Variants in PTK2B observed in about 807,000 individuals in gnomAD.
The protein encoded by PTK2B is protein tyrosine kinase 2 beta.
PTK2B carries 71 observed loss-of-function variants against 142.9 expected under a neutral mutation model. That is an observed-to-expected ratio of 0.50 (90% CI 0.41 to 0.61). PTK2B has a LOEUF of 0.61. Ranked by LOEUF, PTK2B falls within the 20% of genes least tolerant of loss-of-function variation. The pLI is 0.00. For synonymous variants in PTK2B, 519 were observed against 503.4 expected (o/e 1.03, Z -0.42); for missense variants, 1,105 against 1,320.4 (o/e 0.84, Z 2.53).
intron 2 of PTK2B, among the ~76,000 whole-genome samples, chr8:27,419,193 A>G (rs1809590282): frequency 6.6e-6 from 1 of 152,242 alleles, no homozygotes; most frequent in Non-Finnish European, 1.5e-5. Flanking sequence ...CCTCCGGTTA[A>G]CAAGAAAGCA....
chr8:27,336,604 G>A (rs754792405), intron 1 of PTK2B, among the ~76,000 whole-genome samples: 2 of 152,148 alleles, frequency 1.3e-5, no homozygotes, highest in Non-Finnish European at 2.9e-5. Context: ...TTATTTTAGC[G>A]ATACATTTTC....
chr8:27,394,759 A>G (rs1238843267), intron 1 of PTK2B, among the ~76,000 whole-genome samples: 1 of 152,268 alleles, frequency 6.6e-6, no homozygotes, highest in Non-Finnish European at 1.5e-5. Flanking sequence ...TGTGCATTGT[A>G]CAACTGTACA....
At chr8:27,350,393 A>G (rs116719200) in intron 1 of PTK2B, among the ~76,000 whole-genome samples, 196 of 152,176 alleles carry the variant, frequency 1.3e-3, no homozygotes, top group African/African-American at 4.6e-3. Context: ...CCAGGCAATT[A>G]TAGGGTCTCC....
chr8:27,399,904 C>T (rs1329794320), intron 2 of PTK2B, among the ~76,000 whole-genome samples: 5 of 152,110 alleles, frequency 3.3e-5, no homozygotes, highest in African/African-American at 1.2e-4. Context: ...TCTCTTCACC[C>T]GGGGATCATG....
At chr8:27,346,206 A>G (rs1390338510) in intron 1 of PTK2B, among the ~76,000 whole-genome samples, 1 of 152,218 alleles carries the variant, frequency 6.6e-6, no homozygotes, top group African/African-American at 2.4e-5. Context: ...AAAAGAGGTT[A>G]TGTGGATTCA....
upstream of PTK2B, among the ~76,000 whole-genome samples, chr8:27,323,633 G>GT (rs546837495): frequency 9.9e-5 from 15 of 152,250 alleles, no homozygotes; most frequent in African/African-American, 2.6e-4. Flanking sequence ...TTTCTGATGG[G>GT]TTTTTTTAAA....
upstream of PTK2B, chr8:27,310,774 C>G (rs1802918068): frequency 6.5e-7 from 1 of 1,544,824 alleles, no homozygotes. Flanking sequence ...CCCGGCTCGG[C>G]CGCCTCGTGC....
chr8:27,451,413 G>A (rs1811803875), intron 26 of PTK2B, 72 bp from the exon 27 acceptor site: 3 of 1,601,940 alleles, frequency 1.9e-6, no homozygotes. Flanking sequence ...ACTGGGGAAT[G>A]GGTAACCAGG....
At chr8:27,375,293 G>A (rs1162162789) in intron 1 of PTK2B, among the ~76,000 whole-genome samples, 1 of 152,192 alleles carries the variant, frequency 6.6e-6, no homozygotes, top group East Asian at 1.9e-4. Context: ...GACATGTAGG[G>A]AACTCAGAGC....
chr8:27,413,166 A>G (rs896884097), intron 2 of PTK2B, among the ~76,000 whole-genome samples: 6 of 152,166 alleles, frequency 3.9e-5, no homozygotes, highest in Non-Finnish European at 8.8e-5. Context: ...ATACACATAC[A>G]CAAATATGCC....
At chr8:27,369,359 A>G (rs1171865966) in intron 1 of PTK2B, among the ~76,000 whole-genome samples, 1 of 152,156 alleles carries the variant, frequency 6.6e-6, no homozygotes, top group Non-Finnish European at 1.5e-5. Flanking sequence ...ATGCCAAGTG[A>G]CACAGGAGTT....
intron 1 of PTK2B, among the ~76,000 whole-genome samples, chr8:27,346,088 G>A (rs1804694879): frequency 6.6e-6 from 1 of 152,204 alleles, no homozygotes; most frequent in African/African-American, 2.4e-5. Flanking sequence ...AAGTTAAGGA[G>A]AAGCTGATTC....
intron 2 of PTK2B, among the ~76,000 whole-genome samples, chr8:27,410,402 T>C (rs1006698028): frequency 1.3e-5 from 2 of 152,180 alleles, no homozygotes; most frequent in African/African-American, 4.8e-5. Flanking sequence ...ACATAGGTAT[T>C]ATGTGTGTTC....
At chr8:27,311,369 T>G, upstream of PTK2B, 8 of 1,139,234 alleles carry the variant, frequency 7.0e-6, no homozygotes, top group East Asian at 6.1e-5. Context: ...ACAGCGGCGC[T>G]GGCCAATCGT....
At chr8:27,387,877 C>G (rs1264214069) in intron 1 of PTK2B, among the ~76,000 whole-genome samples, 1 of 150,782 alleles carries the variant, frequency 6.6e-6, no homozygotes, top group Admixed American at 6.6e-5. Flanking sequence ...TCACAAGTTG[C>G]GTTTTGTTAA....
At chr8:27,312,006 C>A (rs1320203350) in intron 1 of PTK2B, among the ~76,000 whole-genome samples, 1 of 152,088 alleles carries the variant, frequency 6.6e-6, no homozygotes, top group Admixed American at 6.5e-5. Flanking sequence ...CTCATGACAA[C>A]CACTGTTTTA....
chr8:27,338,407 G>C (rs1190071227), intron 1 of PTK2B, among the ~76,000 whole-genome samples: 1 of 151,956 alleles, frequency 6.6e-6, no homozygotes, highest in Non-Finnish European at 1.5e-5. Context: ...GGGTGGGAGG[G>C]GGGTGAGGGA....
upstream of PTK2B, chr8:27,311,412 G>C (rs961209824): frequency 3.4e-5 from 26 of 767,856 alleles, no homozygotes; most frequent in Middle Eastern, 1.2e-3. Flanking sequence ...GGGAGGGGGC[G>C]CTCGGAGGAG....
chr8:27,419,758 T>C (rs959048901), intron 2 of PTK2B, 137 bp from the exon 3 acceptor site: 2 of 903,196 alleles, frequency 2.2e-6, no homozygotes, highest in Non-Finnish European at 3.3e-6. Context: ...TTCCCCTAAA[T>C]GCTAGAGAAT....
Sources: gnomAD v4.1 joint callset for allele counts (sites outside exome capture counted in the v4.1 genomes callset) on GRCh38, gnomAD v4.1.1 for gene constraint, MANE v1.5 for transcripts, NCBI Gene and HGNC (gene_info 2026-07-23, HGNC 2026-07-21) for gene names.